Variants in SNX6 observed in about 807,000 individuals in gnomAD.
SNX6 encodes sorting nexin 6, also known as sorting nexin-6.
In SNX6, 34 loss-of-function variants were observed where a neutral mutation model predicts 63.0. The ratio of observed to expected loss-of-function variants is 0.54; its 90% CI spans 0.41 to 0.72. The LOEUF (loss-of-function observed/expected upper bound fraction) is 0.72, where lower values mean the gene tolerates loss of function less well. Among genes scored for constraint, SNX6 ranks in the 30% least tolerant of loss-of-function variants. SNX6 has a pLI of 0.00. For missense variants in SNX6, 398 were observed against 471.4 expected (o/e 0.84, Z 1.44); for synonymous variants, 170 against 164.2 (o/e 1.04, Z -0.27).
intron 9 of SNX6, among the ~76,000 whole-genome samples, chr14:34,585,994 T>A (rs1402170719): frequency 6.6e-6 from 1 of 152,094 alleles, no homozygotes. Flanking sequence ...AACCTCTGCC[T>A]CCCAGGTTCA....
chr14:34,608,302 G>A lies in SNX6; in HGVS notation c.160-162C>T, dbSNP rs550946721. On this transcript the variant is annotated intron_variant, in intron 3 of 13. Transcript: ENST00000362031. ...AAGCAATCCTCCCACCTCAGCCTCC[G>A]AGTAGCTGGGACTACACCACACCTG... Among the ~76,000 whole-genome samples the A allele has an allele frequency of 7.3e-4, 111 of 152,034 alleles. 1 individual carries two copies. The highest frequency in any genetic ancestry group is 2.4e-3 in the African/African-American group (100 of 41,504).
chr14:34,587,477 G>C (rs1882217252), intron 8 of SNX6, among the ~76,000 whole-genome samples: 2 of 134,092 alleles, frequency 1.5e-5, no homozygotes, highest in South Asian at 5.0e-4. Context: ...AGGTTGCAGT[G>C]AGCCAAGATC....
At chr14:34,602,906 G>A (rs1156904639) in intron 6 of SNX6, among the ~76,000 whole-genome samples, 1 of 150,628 alleles carries the variant, frequency 6.6e-6, no homozygotes, top group African/African-American at 2.4e-5. Flanking sequence ...AACCCGGGAG[G>A]CGGAGCTTGC....
At chr14:34,576,450 A>AT (rs1449820636) in intron 10 of SNX6, among the ~76,000 whole-genome samples, 149 of 80,870 alleles carry the variant, frequency 1.8e-3, no homozygotes, top group East Asian at 9.0e-3. Flanking sequence ...ATATATATAT[A>AT]TATTTTTTTT....
chr14:34,620,314 C>A (rs1883575594), intron 2 of SNX6, among the ~76,000 whole-genome samples: 1 of 152,106 alleles, frequency 6.6e-6, no homozygotes, highest in Admixed American at 6.6e-5. Flanking sequence ...CATCTTTTTA[C>A]AAATAAATTT....
At chr14:34,593,869 C>T (rs563540715) in intron 7 of SNX6, among the ~76,000 whole-genome samples, 5 of 151,994 alleles carry the variant, frequency 3.3e-5, no homozygotes, top group Admixed American at 6.6e-5. Context: ...TGACCCACCA[C>T]GCCCAGCCTA....
chr14:34,609,679 G>C lies in SNX6; in HGVS notation c.118C>G (p.Leu40Val). The change falls in exon 3 of 14, where the codon CTT becomes GTT. Residue 40 changes from leucine (L) to valine (V), a missense_variant. Physicochemically the swap from Leu to Val is conservative, Grantham distance 32. Transcript: ENST00000362031. ...AATTTTACTTTATCCCGCTCACTAA[G>C]AGCATCAGAAATGTCCACCTGCAGA... ...AALQVDISDA[L>V]SERDKVKFTV... 6.2e-7 allele frequency: 1 copy of C among 1,613,028 alleles called. No individual in the cohort carries two copies. Among genetic ancestry groups the C allele is most frequent in the Non-Finnish European group, 8.5e-7 (1 of 1,179,350 alleles).
At chr14:34,626,679 A>AAAAAAG (rs1376901002) in intron 2 of SNX6, among the ~76,000 whole-genome samples, 2 of 151,620 alleles carry the variant, frequency 1.3e-5, no homozygotes, top group African/African-American at 4.8e-5. Context: ...AAAAAAAAAA[A>AAAAAAG]AAGAGAAAGT....
intron 2 of SNX6, among the ~76,000 whole-genome samples, chr14:34,615,312 C>T (rs140153809): frequency 6.6e-6 from 1 of 152,298 alleles, no homozygotes; most frequent in African/African-American, 2.4e-5. Flanking sequence ...CTACCATACT[C>T]ACAGGCTTAT....
intron 2 of SNX6, among the ~76,000 whole-genome samples, chr14:34,619,328 A>G (rs1948570885): frequency 6.6e-6 from 1 of 152,132 alleles, no homozygotes; most frequent in South Asian, 2.1e-4. Flanking sequence ...AGGCTGAGGC[A>G]GAAGGATCAC....
intron 2 of SNX6, among the ~76,000 whole-genome samples, chr14:34,624,877 G>A (rs1345592733): frequency 1.3e-5 from 2 of 152,054 alleles, no homozygotes; most frequent in African/African-American, 4.8e-5. Context: ...TGTCCCCTTT[G>A]CAACTTGTAT....
chr14:34,576,485 G>A (rs1348214749), intron 10 of SNX6, among the ~76,000 whole-genome samples: 1 of 148,472 alleles, frequency 6.7e-6, no homozygotes, highest in Non-Finnish European at 1.5e-5. Context: ...GTCTTACTCT[G>A]TCACCCAGGC....
intron 2 of SNX6, among the ~76,000 whole-genome samples, chr14:34,615,747 T>C (rs1168183943): frequency 6.6e-6 from 1 of 152,016 alleles, no homozygotes; most frequent in Non-Finnish European, 1.5e-5. Flanking sequence ...CCCAAAGTGT[T>C]AGGATTACAG....
intron 8 of SNX6, among the ~76,000 whole-genome samples, chr14:34,591,230 TAA>T (rs67980327): frequency 6.6e-6 from 1 of 150,522 alleles, no homozygotes; most frequent in Non-Finnish European, 1.5e-5. Context: ...ACAAAGCTGT[TAA>T]AAAAAAAACC....
chr14:34,578,751 C>T (rs12881595), intron 10 of SNX6, among the ~76,000 whole-genome samples: 37,876 of 150,236 alleles, frequency 0.25, 6,125 homozygotes, highest in Non-Finnish European at 0.37. Context: ...CCGCCCTGGC[C>T]AACATGGTGA....
chr14:34,592,821 C>T (rs1473836014), intron 8 of SNX6, among the ~76,000 whole-genome samples: 1 of 152,180 alleles, frequency 6.6e-6, no homozygotes, highest in Non-Finnish European at 1.5e-5. Context: ...AAGTGATATT[C>T]CCGCTTCAGC....
chr14:34,620,736 T>C (rs1594750678), intron 2 of SNX6, among the ~76,000 whole-genome samples: 1 of 150,902 alleles, frequency 6.6e-6, no homozygotes. Flanking sequence ...AGGCCAGGAG[T>C]TTGAGACCAG....
chr14:34,610,409 A>C (rs1232968023), intron 2 of SNX6, among the ~76,000 whole-genome samples: 2 of 151,546 alleles, frequency 1.3e-5, no homozygotes, highest in South Asian at 2.1e-4. Context: ...CCTATTTTCC[A>C]AGAAAGTGGT....
chr14:34,612,733 C>T (rs1291551266), intron 2 of SNX6, among the ~76,000 whole-genome samples: 3 of 151,896 alleles, frequency 2.0e-5, no homozygotes, highest in Non-Finnish European at 4.4e-5. Flanking sequence ...CACGCCGAGC[C>T]AGGACATTAT....
Sources: gnomAD v4.1 joint callset for allele counts (sites outside exome capture counted in the v4.1 genomes callset) on GRCh38, gnomAD v4.1.1 for gene constraint, MANE v1.5 for transcripts, NCBI Gene and HGNC (gene_info 2026-07-23, HGNC 2026-07-21) for gene names.